OOEP: variants seen among roughly 807,000 people sequenced by gnomAD.
OOEP encodes oocyte expressed protein, also known as oocyte-expressed protein homolog.
In OOEP, 16 loss-of-function variants were observed where a neutral mutation model predicts 13.7. The ratio of observed to expected loss-of-function variants is 1.16; its 90% CI spans 0.79 to 1.77. The LOEUF is 1.77. OOEP is among the 40% of genes most tolerant of loss of function. The probability of loss-of-function intolerance (pLI) is 0.00; values close to 1 mark genes in which losing one functional copy is unlikely to be tolerated. For synonymous variants in OOEP, 89 were observed against 77.1 expected, an observed-to-expected ratio of 1.15 and a Z score of -0.81; for missense variants, 195 against 193.1, an observed-to-expected ratio of 1.01 and a Z score of -0.06.
chr6:73,370,045 T>G, upstream of OOEP: 1 of 527,498 alleles, frequency 1.9e-6, no homozygotes. Context: ...TGGCCTCCTG[T>G]TGGGTCTCCA....
upstream of OOEP, among the ~76,000 whole-genome samples, chr6:73,374,808 TAACTA>T (rs1413984539): frequency 1.3e-5 from 2 of 152,158 alleles, no homozygotes; most frequent in East Asian, 3.9e-4. Context: ...ATCTCATACT[TAACTA>T]TTTATTTACT....
intron 2 of OOEP, among the ~76,000 whole-genome samples, chr6:73,393,063 C>T (rs1263788453): frequency 6.6e-6 from 1 of 151,930 alleles, no homozygotes; most frequent in Non-Finnish European, 1.5e-5. Flanking sequence ...CCACACCATG[C>T]CTGGCCTGGT....
At chr6:73,394,407 G>C (rs1204195612) in exon 2 of OOEP, 2 of 713,626 alleles carry the variant, frequency 2.8e-6, no homozygotes, top group African/African-American at 3.5e-5. Context: ...CCAGCACTTT[G>C]GGAGGCCGAG....
intron 2 of OOEP, chr6:73,394,331 G>GT: frequency 1.4e-6 from 1 of 715,772 alleles, no homozygotes; most frequent in East Asian, 2.7e-5. Context: ...GGGTCACCTT[G>GT]TAACAGTGAC....
At chr6:73,370,120 T>G, upstream of OOEP, 1 of 315,142 alleles carries the variant, frequency 3.2e-6, no homozygotes, top group Non-Finnish European at 5.9e-6. Flanking sequence ...GCCCACCTTA[T>G]AGCTGATTAA....
chr6:73,390,622 C>T (rs1313039021), intron 2 of OOEP, among the ~76,000 whole-genome samples: 11 of 147,892 alleles, frequency 7.4e-5, no homozygotes, highest in Non-Finnish European at 1.6e-4. Flanking sequence ...GTTCTTGTCG[C>T]CTGGAGTGTG....
intron 2 of OOEP, among the ~76,000 whole-genome samples, chr6:73,378,246 G>A (rs1035997297): frequency 6.6e-6 from 1 of 152,008 alleles, no homozygotes; most frequent in African/African-American, 2.4e-5. Context: ...GGGATGACAG[G>A]TGTGTGCACC....
intron 2 of OOEP, among the ~76,000 whole-genome samples, chr6:73,380,133 C>T (rs1195741667): frequency 6.6e-6 from 1 of 151,838 alleles, no homozygotes; most frequent in African/African-American, 2.4e-5. Flanking sequence ...TGACTCATTT[C>T]ATTATACAGT....
At chr6:73,385,991 A>G (rs1432198524) in intron 2 of OOEP, among the ~76,000 whole-genome samples, 1 of 152,098 alleles carries the variant, frequency 6.6e-6, no homozygotes, top group Non-Finnish European at 1.5e-5. Flanking sequence ...AAAGATACCT[A>G]CTTTCACTTT....
At chr6:73,380,919 C>T (rs1407697131) in intron 2 of OOEP, among the ~76,000 whole-genome samples, 2 of 151,922 alleles carry the variant, frequency 1.3e-5, no homozygotes. Flanking sequence ...GAGGTCTAGG[C>T]GGGTGAATCA....
At chr6:73,394,444 C>A in exon 2 of OOEP, 1 of 705,804 alleles carries the variant, frequency 1.4e-6, no homozygotes, top group Non-Finnish European at 2.6e-6. Flanking sequence ...AAGCCAGAAG[C>A]CAAGAGTTCA....
At chr6:73,388,297 AT>A (rs1225860980) in intron 2 of OOEP, among the ~76,000 whole-genome samples, 2 of 80,008 alleles carry the variant, frequency 2.5e-5, no homozygotes, top group Non-Finnish European at 4.9e-5. Context: ...AAAAAATTAT[AT>A]GTCTAACAAC....
At chr6:73,370,287 T>C (rs7740005), upstream of OOEP, among the ~76,000 whole-genome samples, 15 of 152,284 alleles carry the variant, frequency 9.9e-5, no homozygotes, top group South Asian at 6.2e-4. Flanking sequence ...CCTGTTGTTA[T>C]CTTCTGACTC....
chr6:73,373,849 A>G (rs1769097865), upstream of OOEP, among the ~76,000 whole-genome samples: 1 of 152,094 alleles, frequency 6.6e-6, no homozygotes, highest in Admixed American at 6.6e-5. Flanking sequence ...TCGGCCTCCC[A>G]AAGTGCTGAG....
chr6:73,381,658 G>C (rs2150781594), intron 2 of OOEP, among the ~76,000 whole-genome samples: 1 of 152,262 alleles, frequency 6.6e-6, no homozygotes, highest in East Asian at 1.9e-4. Context: ...TCCAGGGAAA[G>C]AGGTGGGCCG....
intron 2 of OOEP, among the ~76,000 whole-genome samples, chr6:73,377,464 C>T (rs191368124): frequency 4.6e-5 from 7 of 152,198 alleles, no homozygotes; most frequent in East Asian, 3.9e-4. Flanking sequence ...CTCAAGTTCT[C>T]GTGAATATAC....
chr6:73,382,770 G>T (rs543784497), intron 2 of OOEP, among the ~76,000 whole-genome samples: 2 of 151,058 alleles, frequency 1.3e-5, no homozygotes, highest in African/African-American at 2.4e-5. Context: ...CCCAGGCTAG[G>T]CTTGAACTCC....
rs549037252 is a variant in OOEP, at chr6:73,387,973, G to C, written c.25+6373C>G. ...CAACTTCCGCCTCCTGTGTTCCAGC[G>C]ATTCTCATGCCTCAGTGCCTCAGCC... On this transcript the variant is annotated intron_variant, in intron 2 of 3. Transcript: ENST00000370363. 3.3e-5 allele frequency among the ~76,000 whole-genome samples: 5 copies of C among 152,266 alleles called. No homozygotes were observed. In the South Asian group the frequency reaches 1.0e-3, roughly 32 times the overall value.
At chr6:73,381,205 T>TAAAAAAAAA (rs66507015) in intron 2 of OOEP, among the ~76,000 whole-genome samples, 14 of 100,938 alleles carry the variant, frequency 1.4e-4, no homozygotes, top group Non-Finnish European at 2.3e-4. Flanking sequence ...AAAAAAGTGT[T>TAAAAAAAAA]AAAAAAAAAA....
Sources: allele counts gnomAD v4.1 joint callset (sites outside exome capture counted in the v4.1 genomes callset), GRCh38; gene constraint gnomAD v4.1.1; transcripts MANE v1.5; gene names NCBI Gene and HGNC (gene_info 2026-07-23, HGNC 2026-07-21).